Variants in BBS4 observed in about 807,000 individuals in gnomAD.
The protein encoded by BBS4 is Bardet-Biedl syndrome 4.
In BBS4, 58 loss-of-function variants were observed where a neutral mutation model predicts 71.4. The ratio of observed to expected loss-of-function variants is 0.81; its 90% CI spans 0.66 to 1.01. The LOEUF (loss-of-function observed/expected upper bound fraction) is 1.01, where lower values mean the gene tolerates loss of function less well. Ranked by LOEUF, BBS4 falls within the 50% of genes least tolerant of loss-of-function variation. BBS4 has a pLI of 0.00. For missense variants in BBS4, 660 were observed against 607.9 expected (o/e 1.09, Z -0.90); for synonymous variants, 228 against 216.8 (o/e 1.05, Z -0.46).
At chr15:72,720,001 G>A (rs984377106) in intron 6 of BBS4, among the ~76,000 whole-genome samples, 3 of 150,368 alleles carry the variant, frequency 2.0e-5, no homozygotes, top group Admixed American at 2.0e-4. Flanking sequence ...CGCCCACCTT[G>A]GCCTCCCAAA....
chr15:72,718,943 TTTGGA>T (rs540474945), intron 6 of BBS4, among the ~76,000 whole-genome samples: 63 of 152,262 alleles, frequency 4.1e-4, no homozygotes, highest in African/African-American at 1.5e-3. Context: ...ACTCAAGTGT[TTTGGA>T]GTAGAGATGT....
intron 13 of BBS4, 41 bp downstream of exon 13, chr15:72,735,223 TC>T (rs2065898432): frequency 6.6e-7 from 1 of 1,507,344 alleles, no homozygotes; most frequent in East Asian, 2.3e-5. Flanking sequence ...GGGGTTGGAC[TC>T]TCCAAAGCCA....
intron 2 of BBS4, among the ~76,000 whole-genome samples, chr15:72,696,423 T>G (rs1352221321): frequency 3.3e-5 from 5 of 152,222 alleles, no homozygotes; most frequent in Non-Finnish European, 7.3e-5. Context: ...CAAATGAAAC[T>G]AGCCATGTAA....
At chr15:72,703,795 A>T (rs2065217336) in intron 2 of BBS4, among the ~76,000 whole-genome samples, 1 of 152,210 alleles carries the variant, frequency 6.6e-6, no homozygotes, top group African/African-American at 2.4e-5. Flanking sequence ...TTAGTTATTT[A>T]GTAAATTTTT....
chr15:72,722,747 C>G, intron 6 of BBS4, 47 bp from the exon 7 acceptor site: 1 of 1,545,648 alleles, frequency 6.5e-7, no homozygotes, highest in South Asian at 1.1e-5. Flanking sequence ...CTAATACTTA[C>G]TGTGGAATTA....
intron 5 of BBS4, among the ~76,000 whole-genome samples, chr15:72,715,935 T>G (rs2065461304): frequency 6.6e-6 from 1 of 152,208 alleles, no homozygotes; most frequent in Non-Finnish European, 1.5e-5. Flanking sequence ...ACATGAGATA[T>G]TCAGCATTTT....
intron 4 of BBS4, among the ~76,000 whole-genome samples, chr15:72,714,122 G>C (rs753176459): frequency 6.6e-6 from 1 of 151,834 alleles, no homozygotes; most frequent in Non-Finnish European, 1.5e-5. Flanking sequence ...ATTTCTGTAA[G>C]GTGAATCAGG....
chr15:72,711,409 A>G (rs961592879), intron 3 of BBS4, among the ~76,000 whole-genome samples: 41 of 152,052 alleles, frequency 2.7e-4, no homozygotes, highest in African/African-American at 9.2e-4. Context: ...TCGGCCACCC[A>G]AAGTGCTGGG....
chr15:72,687,525 A>T (rs2064881883), intron 1 of BBS4, among the ~76,000 whole-genome samples: 3 of 146,320 alleles, frequency 2.1e-5, no homozygotes, highest in African/African-American at 7.6e-5. Context: ...AATCGCTTGA[A>T]CCCCGGAGGC....
chr15:72,738,211 A>G lies in BBS4; in HGVS notation c.*624A>G. ...CTGTATTTTGTTCTTGAGAGGGGTC[A>G]GTCTAGAAGCTAGATCCTATCAGGA... On this transcript the variant is annotated 3_prime_UTR_variant, in exon 16 of 16. Transcript: ENST00000268057. 2.2e-6 allele frequency: 1 copy of G among 452,096 alleles called. No homozygotes were observed. The highest frequency in any genetic ancestry group is 1.6e-5 in the South Asian group (1 of 64,066). The allele number at this position is 452,096 out of a possible 1,614,324, so 28.0% of individuals were successfully genotyped here.
intron 2 of BBS4, among the ~76,000 whole-genome samples, chr15:72,704,751 G>A (rs1411861181): frequency 6.6e-6 from 1 of 152,010 alleles, no homozygotes; most frequent in African/African-American, 2.4e-5. Flanking sequence ...ATAGTGGCAT[G>A]TGCCTGTAAT....
chr15:72,735,303 C>T, intron 13 of BBS4, 121 bp downstream of exon 13: 1 of 753,392 alleles, frequency 1.3e-6, no homozygotes, highest in Non-Finnish European at 2.4e-6. Context: ...GGCATTAGTA[C>T]ATAGCAGACC....
rs1239689474 is a variant in BBS4 at position 72,710,195 on chromosome 15, G to GTTCTTTTTTTTTTTTTTTTTTTTTTTTT, written c.156+418_156+419insCTTTTTTTTTTTTTTTTTTTTTTTTTTT. On this transcript the variant is annotated intron_variant, in intron 3 of 15. Coordinates refer to ENST00000268057, the MANE Select transcript of BBS4 (RefSeq NM_033028.5). ...TAGATGAAAAATGGTATTTTGTCGA[G>GTTCTTTTTTTTTTTTTTTTTTTTTTTTT]TTTTTTTTTTTTTTTTTTTTTTTTT... 1.9e-5 allele frequency among the ~76,000 whole-genome samples: 2 copies of GTTCTTTTTTTTTTTTTTTTTTTTTTTTT among 103,436 alleles called. 1 individual carries two copies. Among genetic ancestry groups the GTTCTTTTTTTTTTTTTTTTTTTTTTTTT allele is most frequent in the Non-Finnish European group, 3.7e-5 (2 of 54,082 alleles). 67.9% of individuals were successfully genotyped at this position (103,436 alleles called of 152,430 possible). A position where few individuals can be genotyped will look rare whatever the true frequency, so the allele number is the denominator to read the frequency against.
In BBS4 at chr15:72,698,463, T is replaced by G. The variant is rs184613564; in HGVS notation, c.76+3235T>G. ...ATCTATGAATTTGACTATTCTAGGT[T>G]TTTCATGTAAGGTGAATCATACAAT... On this transcript the variant is annotated intron_variant, in intron 2 of 15. Coordinates refer to ENST00000268057, the MANE Select transcript of BBS4 (RefSeq NM_033028.5). 4.9e-3 allele frequency among the ~76,000 whole-genome samples: 748 copies of G among 152,256 alleles called. 1 individual carries two copies. Among genetic ancestry groups the G allele is most frequent in the Non-Finnish European group, 9.1e-3 (616 of 68,014 alleles).
chr15:72,721,012 AT>A (rs1419118489), intron 6 of BBS4, among the ~76,000 whole-genome samples: 1 of 152,222 alleles, frequency 6.6e-6, no homozygotes, highest in Admixed American at 6.5e-5. Flanking sequence ...AGAGCAGGAC[AT>A]TTAAAGGACA....
In BBS4 at chr15:72,737,889, G is replaced by A. The variant is rs1407258898; in HGVS notation, c.*302G>A. Reference sequence around the variant, plus strand: ...CTGAGTCAGCAAGGTACATGATGCTGTCTGCTTTCAAAAGGACTTTTCTCT... The same window carrying A: ...CTGAGTCAGCAAGGTACATGATGCTATCTGCTTTCAAAAGGACTTTTCTCT... On this transcript the variant is annotated 3_prime_UTR_variant, in exon 16 of 16. Coordinates refer to ENST00000268057, the MANE Select transcript of BBS4 (RefSeq NM_033028.5). 2.1e-6 allele frequency: 1 copy of A among 466,774 alleles called. No homozygotes were observed. Among genetic ancestry groups the A allele is most frequent in the Non-Finnish European group, 4.3e-6 (1 of 235,262 alleles). 28.9% of individuals were successfully genotyped at this position (466,774 alleles called of 1,614,324 possible). A position where few individuals can be genotyped will look rare whatever the true frequency, so the allele number is the denominator to read the frequency against.
intron 15 of BBS4, 182 bp downstream of exon 15, chr15:72,737,145 T>TGTA: frequency 1.4e-6 from 1 of 726,646 alleles, no homozygotes; most frequent in East Asian, 2.7e-5. Flanking sequence ...AGGCGAGCTA[T>TGTA]GTAGTAGGTA....
At chr15:72,707,177 CTTTTCTTT>C (rs1017774040) in intron 2 of BBS4, among the ~76,000 whole-genome samples, 23 of 132,448 alleles carry the variant, frequency 1.7e-4, no homozygotes, top group Admixed American at 4.6e-4. Flanking sequence ...TTCCTTTTTT[CTTTTCTTT>C]TTTTTTTTTT....
At chr15:72,705,605 T>TTG (rs2065250009) in intron 2 of BBS4, among the ~76,000 whole-genome samples, 1 of 146,060 alleles carries the variant, frequency 6.8e-6, no homozygotes, top group Non-Finnish European at 1.5e-5. Context: ...TTTTTTTTTT[T>TTG]TTTTTGAGAC....
Sources: gnomAD v4.1 joint callset for allele counts (sites outside exome capture counted in the v4.1 genomes callset) on GRCh38, gnomAD v4.1.1 for gene constraint, MANE v1.5 for transcripts, NCBI Gene and HGNC (gene_info 2026-07-23, HGNC 2026-07-21) for gene names.